PDSS2: variants seen among roughly 807,000 people sequenced by gnomAD.
PDSS2 encodes the protein all trans-polyprenyl-diphosphate synthase PDSS2.
Under a neutral mutation model 44.5 loss-of-function variants are expected in PDSS2, and 31 were observed. The ratio of observed to expected loss-of-function variants is 0.70; its 90% CI spans 0.52 to 0.94. The LOEUF (loss-of-function observed/expected upper bound fraction) is 0.94. Ranked by LOEUF, PDSS2 falls within the 40% of genes least tolerant of loss-of-function variation. PDSS2 has a pLI of 0.00. For missense variants in PDSS2, 452 were observed against 482.2 expected, an observed-to-expected ratio of 0.94 and a Z score of 0.59; for synonymous variants, 157 against 180.3, an observed-to-expected ratio of 0.87 and a Z score of 1.03.
intron 1 of PDSS2, among the ~76,000 whole-genome samples, chr6:107,335,759 T>C (rs1016089873): frequency 1.3e-5 from 2 of 152,124 alleles, no homozygotes; most frequent in Admixed American, 1.3e-4. Context: ...TAAAGTCATA[T>C]TGAGAACAAT....
At chr6:107,163,135 G>A (rs1394059096) in intron 7 of PDSS2, among the ~76,000 whole-genome samples, 2 of 152,142 alleles carry the variant, frequency 1.3e-5, no homozygotes, top group African/African-American at 4.8e-5. Flanking sequence ...TCCCCTGACT[G>A]TTTCATTTAG....
At chr6:107,156,401 A>G (rs1770899113) in intron 7 of PDSS2, among the ~76,000 whole-genome samples, 1 of 151,724 alleles carries the variant, frequency 6.6e-6, no homozygotes, top group Non-Finnish European at 1.5e-5. Context: ...TCACCGTGTT[A>G]GCCAGGATGG....
At chr6:107,370,618 T>A (rs1249817913) in intron 1 of PDSS2, among the ~76,000 whole-genome samples, 3 of 152,244 alleles carry the variant, frequency 2.0e-5, no homozygotes, top group African/African-American at 7.2e-5. Flanking sequence ...TAAAGAATAA[T>A]GAAATTTTAA....
At chr6:107,373,352 C>T (rs905062269) in intron 1 of PDSS2, among the ~76,000 whole-genome samples, 1 of 152,012 alleles carries the variant, frequency 6.6e-6, no homozygotes, top group Non-Finnish European at 1.5e-5. Context: ...GAGTAAAAAT[C>T]GGCCTCCAAA....
intron 1 of PDSS2, among the ~76,000 whole-genome samples, chr6:107,357,947 C>T (rs1472942369): frequency 6.6e-6 from 1 of 152,066 alleles, no homozygotes; most frequent in African/African-American, 2.4e-5. Flanking sequence ...AATATTTTAA[C>T]CACATAAATT....
rs773649877 is a variant in PDSS2, at chr6:107,153,669, T to G, written c.*950A>C. On this transcript the variant is annotated 3_prime_UTR_variant, in exon 8 of 8. Transcript: ENST00000369037. The stretch of plus-strand genomic sequence containing the variant: ...ATTCCTAATATAACCAATTTAACAT[T>G]TGATAACATTTTAATCTCCTACTTC... 2.6e-5 allele frequency: 4 copies of G among 152,622 alleles called. No individual in the cohort carries two copies. Among genetic ancestry groups the G allele is most frequent in the African/African-American group, 4.8e-5 (2 of 41,450 alleles). The allele number at this position is 152,622 out of a possible 1,614,324, so 9.5% of individuals were successfully genotyped here. A position where few individuals can be genotyped will look rare whatever the true frequency, so the allele number is the denominator to read the frequency against.
At chr6:107,221,802 G>C (rs941644822) in intron 4 of PDSS2, among the ~76,000 whole-genome samples, 2 of 152,090 alleles carry the variant, frequency 1.3e-5, no homozygotes, top group African/African-American at 4.8e-5. Context: ...TGGCTGCTCA[G>C]GATTAAAGGT....
intron 1 of PDSS2, among the ~76,000 whole-genome samples, chr6:107,442,811 A>C (rs941341840): frequency 6.6e-6 from 1 of 152,216 alleles, no homozygotes; most frequent in Non-Finnish European, 1.5e-5. Flanking sequence ...TGTAGCTTGA[A>C]TCCAGTCTTT....
chr6:107,286,867 C>T (rs903826007), intron 2 of PDSS2, among the ~76,000 whole-genome samples: 2 of 151,860 alleles, frequency 1.3e-5, no homozygotes, highest in Non-Finnish European at 2.9e-5. Context: ...GGTGAAACCC[C>T]GGTTCTACTA....
intron 1 of PDSS2, among the ~76,000 whole-genome samples, chr6:107,342,402 G>A (rs1042411428): frequency 6.6e-6 from 1 of 152,024 alleles, no homozygotes; most frequent in Admixed American, 6.6e-5. Context: ...TAAGTTCTTT[G>A]AAAGTGACAG....
Position 107,238,898 on chromosome 6 carries a change from AT to A in PDSS2, c.702+6649del, listed in dbSNP as rs201737210. Among the ~76,000 whole-genome samples, 485 of 148,500 alleles carry A rather than the reference AT, an allele frequency of 3.3e-3. 4 individuals carry two copies. The highest frequency in any genetic ancestry group is 9.3e-3 in the African/African-American group (378 of 40,774). ...TTGATTTAAGAATCTCACTTTCAGG[AT>A]TTTTTTTTTTAAGCAAATAGTATGA... On this transcript the variant is annotated intron_variant, in intron 4 of 7. Transcript: ENST00000369037.
intron 4 of PDSS2, among the ~76,000 whole-genome samples, chr6:107,232,654 G>C (rs1385608649): frequency 3.3e-5 from 5 of 151,884 alleles, no homozygotes; most frequent in African/African-American, 1.2e-4. Flanking sequence ...CTTGTTTATA[G>C]TTGGCCTCTC....
Position 107,459,052 on chromosome 6 carries a change from G to C in PDSS2, c.234C>G (p.Ser78Arg). The C allele has an allele frequency of 6.2e-7, 1 of 1,614,132 alleles. No individual in the cohort carries two copies. The highest frequency in any genetic ancestry group is 8.5e-7 in the Non-Finnish European group (1 of 1,180,010). ...SLRCLLSDELSNIAMQVRKLV... is the reference protein window; with the variant it reads ...SLRCLLSDELRNIAMQVRKLV... ...GCTTCCGCACCTGCATAGCGATGTTGCTGAGCTCGTCGCTCAGCAGGCAGC... is the reference window on the plus strand; with the variant it reads ...GCTTCCGCACCTGCATAGCGATGTTCCTGAGCTCGTCGCTCAGCAGGCAGC... Residue 78 changes from serine (S) to arginine (R), a missense_variant, in exon 1 of 8, where the codon AGC becomes AGG. Coordinates refer to ENST00000369037, the MANE Select transcript of PDSS2 (RefSeq NM_020381.4). This position sits in a 1 kb window ranked among gnomAD's most constrained non-coding sequence, Gnocchi z 4.3.
intron 1 of PDSS2, among the ~76,000 whole-genome samples, chr6:107,359,950 T>A (rs2114271835): frequency 6.6e-6 from 1 of 152,318 alleles, no homozygotes; most frequent in South Asian, 2.1e-4. Flanking sequence ...TGTCATTTTG[T>A]TGACACATAA....
intron 1 of PDSS2, among the ~76,000 whole-genome samples, chr6:107,413,408 T>C (rs1185377429): frequency 1.3e-5 from 2 of 152,204 alleles, no homozygotes; most frequent in Admixed American, 1.3e-4. Flanking sequence ...TTGTGGTACA[T>C]GCCTGTAGTC....
chr6:107,175,083 A>G (rs1047934119), intron 7 of PDSS2, among the ~76,000 whole-genome samples: 2 of 152,018 alleles, frequency 1.3e-5, no homozygotes, highest in Non-Finnish European at 2.9e-5. Context: ...ATGCTGGCAC[A>G]CGCCTGTAAT....
chr6:107,446,274 C>T (rs1360588004), intron 1 of PDSS2, among the ~76,000 whole-genome samples: 1 of 151,804 alleles, frequency 6.6e-6, no homozygotes, highest in Non-Finnish European at 1.5e-5. Flanking sequence ...CAAGATTGCA[C>T]CACTGCACTC....
chr6:107,229,257 G>A (rs2114724887), intron 4 of PDSS2, among the ~76,000 whole-genome samples: 1 of 152,194 alleles, frequency 6.6e-6, no homozygotes, highest in Non-Finnish European at 1.5e-5. Flanking sequence ...CGTGATCTCG[G>A]CTCACTGCAA....
chr6:107,310,068 G>A (rs1412526265), intron 2 of PDSS2, among the ~76,000 whole-genome samples: 1 of 152,030 alleles, frequency 6.6e-6, no homozygotes, highest in East Asian at 1.9e-4. Context: ...AGTGGATCAT[G>A]AGGTCAGGAG....
Sources: allele counts gnomAD v4.1 joint callset (sites outside exome capture counted in the v4.1 genomes callset), GRCh38; gene constraint gnomAD v4.1.1; non-coding constraint Gnocchi (gnomAD v3.1); transcripts MANE v1.5; gene names NCBI Gene and HGNC (gene_info 2026-07-23, HGNC 2026-07-21).